GRID2: variants seen among roughly 807,000 people sequenced by gnomAD.
The protein encoded by GRID2 is glutamate ionotropic receptor delta type subunit 2, also known as glutamate receptor ionotropic, delta-2.
In GRID2, 33 loss-of-function variants were observed where a neutral mutation model predicts 114.8. That is an observed-to-expected ratio of 0.29 (90% confidence interval 0.22 to 0.38). The LOEUF (loss-of-function observed/expected upper bound fraction) is 0.38, where lower values mean the gene tolerates loss of function less well. Among genes scored for constraint, GRID2 ranks in the 10% least tolerant of loss-of-function variants. GRID2 has a pLI of 1.00. For synonymous variants in GRID2, 505 were observed against 449.9 expected, an observed-to-expected ratio of 1.12 and a Z score of -1.55; for missense variants, 1,184 against 1,257.7, an observed-to-expected ratio of 0.94 and a Z score of 0.89.
intron 13 of GRID2, among the ~76,000 whole-genome samples, chr4:93,564,818 C>T (rs1292776996): frequency 7.9e-5 from 12 of 152,000 alleles, no homozygotes. Flanking sequence ...AGTAGAATTT[C>T]AGGAAAATAC....
chr4:93,219,838 G>GA (rs1178670774), intron 6 of GRID2, among the ~76,000 whole-genome samples: 1 of 152,084 alleles, frequency 6.6e-6, no homozygotes, highest in Non-Finnish European at 1.5e-5. Flanking sequence ...CTCCATCTAA[G>GA]AAAAATTGTC....
At chr4:92,651,645 A>G (rs1731939400) in intron 2 of GRID2, among the ~76,000 whole-genome samples, 2 of 152,056 alleles carry the variant, frequency 1.3e-5, no homozygotes, top group Admixed American at 1.3e-4. Flanking sequence ...TTTTCCAATC[A>G]TGTTCCTTCC....
intron 14 of GRID2, among the ~76,000 whole-genome samples, chr4:93,746,837 A>G (rs1044503176): frequency 3.9e-5 from 6 of 152,078 alleles, no homozygotes; most frequent in Non-Finnish European, 5.9e-5. Flanking sequence ...TATTGTGAGT[A>G]TTCTAATTGG....
At chr4:93,654,722 C>G (rs1376806340) in intron 14 of GRID2, among the ~76,000 whole-genome samples, 1 of 152,070 alleles carries the variant, frequency 6.6e-6, no homozygotes, top group Non-Finnish European at 1.5e-5. Flanking sequence ...CCCAAAAACC[C>G]ATTCATAAAA....
chr4:93,538,162 G>A lies in GRID2; in HGVS notation c.2193+22751G>A, dbSNP rs538841514. Among the ~76,000 whole-genome samples the A allele has an allele frequency of 2.8e-4, 42 of 151,826 alleles. No homozygotes were observed. The South Asian group carries it at 8.1e-3, about 29-fold the overall frequency. On this transcript the variant is annotated intron_variant, in intron 13 of 15. Coordinates refer to ENST00000282020, the MANE Select transcript of GRID2 (RefSeq NM_001510.4). ...AGGAATCCTTAGAGAAATGGCTGAT[G>A]TTAAGACTGGTGCAGGAAAAATAGA...
intron 1 of GRID2, among the ~76,000 whole-genome samples, chr4:92,388,871 G>A (rs1359170462): frequency 6.6e-6 from 1 of 151,938 alleles, no homozygotes; most frequent in Non-Finnish European, 1.5e-5. Flanking sequence ...ATACAATTGG[G>A]AAATGTTAAC....
intron 3 of GRID2, among the ~76,000 whole-genome samples, chr4:93,101,484 T>C (rs561571510): frequency 2.0e-5 from 3 of 152,174 alleles, no homozygotes; most frequent in African/African-American, 7.2e-5. Context: ...ATTTCACTTT[T>C]ATATGTTGAG....
At chr4:93,448,524 G>C (rs1308511128) in intron 10 of GRID2, among the ~76,000 whole-genome samples, 1 of 151,798 alleles carries the variant, frequency 6.6e-6, no homozygotes, top group Non-Finnish European at 1.5e-5. Flanking sequence ...ATCATATATT[G>C]ATTGGCCTCA....
At chr4:92,896,786 AGGCT>A (rs1747196754) in intron 2 of GRID2, among the ~76,000 whole-genome samples, 1 of 152,132 alleles carries the variant, frequency 6.6e-6, no homozygotes, top group Admixed American at 6.6e-5. Flanking sequence ...TCTGTCGCCC[AGGCT>A]GGAGTGCAGT....
chr4:93,476,229 A>C (rs1036134071), intron 11 of GRID2, among the ~76,000 whole-genome samples: 1 of 152,140 alleles, frequency 6.6e-6, no homozygotes, highest in East Asian at 1.9e-4. Context: ...AAAGTAGAAA[A>C]CAAAACACCT....
chr4:93,317,986 AATATATATATAT>A (rs58755199), intron 8 of GRID2, among the ~76,000 whole-genome samples: 1,294 of 100,910 alleles, frequency 0.013, 54 homozygotes, highest in African/African-American at 0.025. Flanking sequence ...TTAAAAGTGA[AATATATATATAT>A]ATATATATAT....
intron 9 of GRID2, among the ~76,000 whole-genome samples, chr4:93,414,786 T>G (rs1233543828): frequency 6.6e-6 from 1 of 151,614 alleles, no homozygotes; most frequent in African/African-American, 2.4e-5. Context: ...TTGTTTGTTT[T>G]GTTCACTGCT....
At chr4:92,832,161 C>T (rs992919180) in intron 2 of GRID2, among the ~76,000 whole-genome samples, 6 of 151,594 alleles carry the variant, frequency 4.0e-5, no homozygotes, top group African/African-American at 9.7e-5. Flanking sequence ...AAAATGAGAC[C>T]GGGCATGGTG....
At chr4:93,477,362 A>C (rs182872212) in intron 11 of GRID2, among the ~76,000 whole-genome samples, 66 of 152,264 alleles carry the variant, frequency 4.3e-4, no homozygotes, top group African/African-American at 1.3e-3. Flanking sequence ...TCGGAAGGTC[A>C]TTCAGCCATA....
intron 1 of GRID2, among the ~76,000 whole-genome samples, chr4:92,357,762 T>TTCTTTG (rs1728400507): frequency 6.6e-6 from 1 of 151,892 alleles, no homozygotes; most frequent in Non-Finnish European, 1.5e-5. Flanking sequence ...TGAGTCACAG[T>TTCTTTG]ATTTTAAAAT....
At position 93,523,955 on chromosome 4, in the gene GRID2, C is replaced by G. The variant is rs549026473; in HGVS notation, c.2193+8544C>G. 5.9e-5 allele frequency among the ~76,000 whole-genome samples: 9 copies of G among 152,222 alleles called. 1 individual carries two copies. In the East Asian group the frequency reaches 1.7e-3, roughly 30 times the overall value. On this transcript the variant is annotated intron_variant, in intron 13 of 15. Transcript: ENST00000282020. Reference sequence around the variant, plus strand: ...TTGCATGTCGGCCATATCCTCTTTTCTGCTTGTTCCATTCCCCTTCCTCCT... The same window carrying G: ...TTGCATGTCGGCCATATCCTCTTTTGTGCTTGTTCCATTCCCCTTCCTCCT...
intron 8 of GRID2, among the ~76,000 whole-genome samples, chr4:93,252,452 G>T (rs1213171928): frequency 6.7e-6 from 1 of 149,184 alleles, no homozygotes; most frequent in Non-Finnish European, 1.5e-5. Context: ...CAAGTACCAT[G>T]CTGTTTTTAT....
At chr4:92,764,444 C>A (rs927367086) in intron 2 of GRID2, among the ~76,000 whole-genome samples, 1 of 152,096 alleles carries the variant, frequency 6.6e-6, no homozygotes, top group African/African-American at 2.4e-5. Flanking sequence ...CAACCCATTG[C>A]TCAGAGTACC....
At chr4:92,710,318 G>T (rs1471060803) in intron 2 of GRID2, among the ~76,000 whole-genome samples, 1 of 152,132 alleles carries the variant, frequency 6.6e-6, no homozygotes, top group Non-Finnish European at 1.5e-5. Flanking sequence ...TTAGATAAAT[G>T]AAATAATTAA....
Sources: allele counts gnomAD v4.1 joint callset (sites outside exome capture counted in the v4.1 genomes callset), GRCh38; gene constraint gnomAD v4.1.1; transcripts MANE v1.5; gene names NCBI Gene and HGNC (gene_info 2026-07-23, HGNC 2026-07-21).